Variants in CCDC14 observed in about 807,000 individuals in gnomAD.
CCDC14 encodes coiled-coil domain containing 14.
Under a neutral mutation model 81.4 loss-of-function variants are expected in CCDC14, and 71 were observed. That is an observed-to-expected ratio of 0.87 (90% CI 0.72 to 1.06). The LOEUF (loss-of-function observed/expected upper bound fraction) is 1.06, where lower values mean the gene tolerates loss of function less well. Among genes scored for constraint, CCDC14 ranks in the 50% least tolerant of loss-of-function variants. The pLI is 0.00. For synonymous variants in CCDC14, 332 were observed against 364.8 expected, an observed-to-expected ratio of 0.91 and a Z score of 1.03; for missense variants, 1,046 against 1,047.3, an observed-to-expected ratio of 1.00 and a Z score of 0.02.
At chr3:123,922,054 C>G (rs528917239) in intron 12 of CCDC14, among the ~76,000 whole-genome samples, 2 of 152,224 alleles carry the variant, frequency 1.3e-5, no homozygotes, top group South Asian at 4.1e-4. Flanking sequence ...CGGCATGAAA[C>G]TAGGAATCAA....
intron 7 of CCDC14, among the ~76,000 whole-genome samples, chr3:123,948,324 C>T (rs1373598915): frequency 1.3e-4 from 19 of 151,790 alleles, no homozygotes; most frequent in Admixed American, 1.2e-3. Flanking sequence ...CTACCTCTGC[C>T]TCCTGGGTCC....
Position 123,915,013 on chromosome 3 carries a change from T to C in CCDC14, c.2484A>G (p.Glu828=), listed in dbSNP as rs747661943. ...KIPAATKEPE[E]QTACHGPSGC... ...CTGATGGGCCATGACATGCAGTTTGTTCCTCTGGCTCCTTGGTGGCAGCAG... is the reference window on the plus strand; with the variant it reads ...CTGATGGGCCATGACATGCAGTTTGCTCCTCTGGCTCCTTGGTGGCAGCAG... The change falls in exon 13 of 13, where the codon GAA becomes GAG. Residue 828 remains glutamate (E), a synonymous_variant. Coordinates refer to ENST00000409697, the MANE Select transcript of CCDC14 (RefSeq NM_001366335.1). 1.9e-6 allele frequency: 3 copies of C among 1,614,044 alleles called. No homozygotes were observed. The highest frequency in any genetic ancestry group is 1.1e-5 in the South Asian group (1 of 91,068).
At chr3:123,926,239 C>G (rs2035353201) in intron 12 of CCDC14, among the ~76,000 whole-genome samples, 1 of 152,004 alleles carries the variant, frequency 6.6e-6, no homozygotes, top group African/African-American at 2.4e-5. Flanking sequence ...CAGAATATGA[C>G]TCACCATTGT....
chr3:123,919,795 A>AT (rs1289078458), intron 12 of CCDC14, among the ~76,000 whole-genome samples: 2 of 152,212 alleles, frequency 1.3e-5, no homozygotes, highest in Non-Finnish European at 2.9e-5. Flanking sequence ...GGGGTAGGGC[A>AT]TAACACTTGC....
intron 2 of CCDC14, 97 bp downstream of exon 2, chr3:123,956,643 G>C (rs1042559308): frequency 3.2e-6 from 3 of 934,754 alleles, no homozygotes; most frequent in Non-Finnish European, 4.9e-6. Flanking sequence ...GATGGTAGAG[G>C]CCTACCTAAT....
the CCDC14 span, among the ~76,000 whole-genome samples, chr3:123,888,454 C>T: frequency 6.6e-6 from 1 of 152,234 alleles, no homozygotes; most frequent in African/African-American, 2.4e-5. Flanking sequence ...TTTCCTGGCT[C>T]TGTTTCCCTC....
intron 9 of CCDC14, among the ~76,000 whole-genome samples, chr3:123,939,388 T>G (rs999941836): frequency 1.3e-5 from 2 of 151,520 alleles, no homozygotes; most frequent in Non-Finnish European, 1.5e-5. Flanking sequence ...TTGGTGTTGA[T>G]TGTTTTGCAT....
intron 1 of CCDC14, chr3:123,957,828 G>T (rs1266670317): frequency 6.6e-6 from 1 of 151,948 alleles, no homozygotes; most frequent in African/African-American, 2.4e-5. Context: ...AAATAGACAT[G>T]AGAAAGTCCC....
chr3:123,946,766 T>C (rs1396796242), intron 8 of CCDC14, 37 bp downstream of exon 8: 1 of 1,567,450 alleles, frequency 6.4e-7, no homozygotes, highest in East Asian at 2.2e-5. Flanking sequence ...CTATTTAGTA[T>C]AACACCATAC....
the CCDC14 span, among the ~76,000 whole-genome samples, chr3:123,886,988 A>G: frequency 6.6e-6 from 1 of 152,194 alleles, no homozygotes; most frequent in African/African-American, 2.4e-5. Flanking sequence ...GGAGGATGAA[A>G]TTAGAATATC....
At chr3:123,951,734 G>A (rs1239238691) in intron 5 of CCDC14, among the ~76,000 whole-genome samples, 4 of 152,188 alleles carry the variant, frequency 2.6e-5, no homozygotes, top group Non-Finnish European at 5.9e-5. Flanking sequence ...GGTTTTCACA[G>A]TTTCTAATAA....
At chr3:123,928,485 G>A (rs1424127569) in intron 12 of CCDC14, among the ~76,000 whole-genome samples, 5 of 151,966 alleles carry the variant, frequency 3.3e-5, no homozygotes, top group East Asian at 1.9e-4. Context: ...CAGCCTGGGC[G>A]ACAGAGTGAG....
chr3:123,932,431 T>C (rs1317681955), intron 10 of CCDC14, among the ~76,000 whole-genome samples: 1 of 152,190 alleles, frequency 6.6e-6, no homozygotes, highest in Non-Finnish European at 1.5e-5. Context: ...TGTTGGGCAA[T>C]CATATTTTTT....
At chr3:123,891,808 A>T in the CCDC14 span, among the ~76,000 whole-genome samples, 2 of 152,058 alleles carry the variant, frequency 1.3e-5, no homozygotes, top group East Asian at 1.9e-4. Context: ...TCTTTTCAGC[A>T]GCACCCCACT....
At chr3:123,942,822 T>C (rs890067219) in intron 9 of CCDC14, among the ~76,000 whole-genome samples, 1 of 152,108 alleles carries the variant, frequency 6.6e-6, no homozygotes, top group African/African-American at 2.4e-5. Flanking sequence ...ATTGCTAATA[T>C]GTGGGTGATT....
intron 12 of CCDC14, among the ~76,000 whole-genome samples, chr3:123,919,267 G>A (rs961566266): frequency 1.3e-5 from 2 of 152,170 alleles, no homozygotes; most frequent in Admixed American, 6.5e-5. Context: ...CAGTTAACTG[G>A]CCCTGCTCAA....
intron 12 of CCDC14, among the ~76,000 whole-genome samples, chr3:123,916,468 T>A (rs3221487): frequency 6.8e-6 from 1 of 146,066 alleles, no homozygotes; most frequent in African/African-American, 2.6e-5. Context: ...ATATATGTGT[T>A]TGTGTGTGTG....
intron 5 of CCDC14, among the ~76,000 whole-genome samples, chr3:123,901,955 CA>C (rs920747958): frequency 8.0e-4 from 122 of 151,752 alleles, no homozygotes; most frequent in African/African-American, 2.9e-3. Flanking sequence ...ATAAAAGTAA[CA>C]AAAAAAATCA....
chr3:123,946,780 A>G, intron 8 of CCDC14, 23 bp downstream of exon 8: 1 of 1,594,980 alleles, frequency 6.3e-7, no homozygotes, highest in Non-Finnish European at 8.5e-7. Context: ...ACCATACTAC[A>G]GAAAGTTATA....
Sources: gnomAD v4.1 joint callset for allele counts (sites outside exome capture counted in the v4.1 genomes callset) on GRCh38, gnomAD v4.1.1 for gene constraint, MANE v1.5 for transcripts, NCBI Gene and HGNC (gene_info 2026-07-23, HGNC 2026-07-21) for gene names.